Variants in RRP12 observed in about 807,000 individuals in gnomAD.
RRP12 encodes RRP12-like protein.
RRP12 carries 78 observed loss-of-function variants against 157.3 expected under a neutral mutation model. The ratio of observed to expected loss-of-function variants is 0.50; its 90% confidence interval spans 0.41 to 0.60. The LOEUF is 0.60. Ranked by LOEUF, RRP12 falls within the 20% of genes least tolerant of loss-of-function variation. The pLI, the probability that RRP12 is intolerant of heterozygous loss-of-function variation, is 0.00. For missense variants in RRP12, 1,521 were observed against 1,679.9 expected (o/e 0.91, Z 1.65); for synonymous variants, 726 against 670.9 (o/e 1.08, Z -1.27).
rs140714561 is a variant in RRP12, at chr10:97,370,226, G to A, written c.2738C>T (p.Ala913Val). 2.4e-5 allele frequency: 38 copies of A among 1,605,990 alleles called. No individual in the cohort carries two copies. Among genetic ancestry groups the A allele is most frequent in the African/African-American group, 2.1e-4 (16 of 74,830 alleles). Residue 913 changes from alanine (A) to valine (V), a missense_variant, in exon 24 of 34, where the codon GCG (alanine) becomes GTG (valine). Coordinates refer to ENST00000370992, the MANE Select transcript of RRP12 (RefSeq NM_015179.4). ...GATGCTGCAGCTGACCATGGTCACC[G>A]CGCCCACCAGGCCAGGGTAGATCAG... ...LVLIYPGLVG[A>V]VTMVSCSILA...
intron 31 of RRP12, 53 bp from the exon 32 acceptor site, chr10:97,359,063 C>G: frequency 6.8e-7 from 1 of 1,462,424 alleles, no homozygotes; most frequent in Non-Finnish European, 9.5e-7. Context: ...CAGCCCCCTC[C>G]AGAAAGGCAA....
At chr10:97,366,967 G>A (rs1844004404) in intron 26 of RRP12, 58 bp from the exon 27 acceptor site, 8 of 1,609,398 alleles carry the variant, frequency 5.0e-6, no homozygotes, top group Admixed American at 1.7e-5. Context: ...CGACCCAGAT[G>A]TAGTGTCCCT....
At chr10:97,393,038 A>C (rs887310116) in intron 4 of RRP12, among the ~76,000 whole-genome samples, 1 of 151,892 alleles carries the variant, frequency 6.6e-6, no homozygotes, top group Non-Finnish European at 1.5e-5. Context: ...TAGCCTACCC[A>C]GCTAATTTTT....
At chr10:97,383,736 C>T (rs528552572) in intron 10 of RRP12, among the ~76,000 whole-genome samples, 15 of 152,312 alleles carry the variant, frequency 9.8e-5, no homozygotes, top group Non-Finnish European at 1.6e-4. Flanking sequence ...ACCTGGAGAA[C>T]GGAGCCGCCA....
intron 29 of RRP12, among the ~76,000 whole-genome samples, chr10:97,364,768 C>T (rs1006787184): frequency 6.6e-6 from 1 of 152,080 alleles, no homozygotes; most frequent in Non-Finnish European, 1.5e-5. Flanking sequence ...CTGGGCTTGG[C>T]AGGAGTTCTG....
At chr10:97,395,207 T>TATACACATACACAC (rs112214269) in intron 3 of RRP12, among the ~76,000 whole-genome samples, 24 of 149,972 alleles carry the variant, frequency 1.6e-4, no homozygotes, top group South Asian at 1.0e-3. Context: ...TATACACATA[T>TATACACATACACAC]ACACACACAC....
chr10:97,363,700 A>ACCGCCTG (rs1564748312), intron 30 of RRP12, among the ~76,000 whole-genome samples, 154 bp downstream of exon 30: 14 of 151,926 alleles, frequency 9.2e-5, no homozygotes, highest in Admixed American at 4.6e-4. Context: ...GGCACCCACA[A>ACCGCCTG]CCTTCTGGAC....
At chr10:97,382,051 G>A (rs1844483306) in intron 10 of RRP12, among the ~76,000 whole-genome samples, 1 of 152,218 alleles carries the variant, frequency 6.6e-6, no homozygotes, top group Non-Finnish European at 1.5e-5. Flanking sequence ...GTAAAATGAA[G>A]GGCATGCCTT....
At chr10:97,380,368 A>G (rs1046064531) in intron 13 of RRP12, among the ~76,000 whole-genome samples, 19 of 152,242 alleles carry the variant, frequency 1.2e-4, no homozygotes, top group Admixed American at 9.8e-4. Flanking sequence ...CTCCTGGACT[A>G]CGGTCTGCTC....
chr10:97,388,087 G>T, intron 8 of RRP12, 165 bp downstream of exon 8: 1 of 802,574 alleles, frequency 1.2e-6, no homozygotes, highest in Non-Finnish European at 2.0e-6. Flanking sequence ...CTCTGATATG[G>T]CCTGGCCTAG....
At chr10:97,364,952 G>A (rs1271810452) in intron 29 of RRP12, among the ~76,000 whole-genome samples, 1 of 152,152 alleles carries the variant, frequency 6.6e-6, no homozygotes, top group African/African-American at 2.4e-5. Context: ...ATACAGGGGC[G>A]AGAGAGGAGC....
At chr10:97,384,756 CAGGA>C in intron 10 of RRP12, among the ~76,000 whole-genome samples, 1 of 151,682 alleles carries the variant, frequency 6.6e-6, no homozygotes, top group South Asian at 2.1e-4. Context: ...CCTCGGCAGC[CAGGA>C]TGGAGACCCT....
At chr10:97,385,116 C>T in intron 10 of RRP12, 50 bp downstream of exon 10, 2 of 1,140,906 alleles carry the variant, frequency 1.8e-6, no homozygotes, top group Non-Finnish European at 1.2e-6. Flanking sequence ...TGAGCACCCC[C>T]ACCTCAACAG....
chr10:97,389,314 C>G (rs370897895), intron 6 of RRP12, among the ~76,000 whole-genome samples: 280 of 152,206 alleles, frequency 1.8e-3, no homozygotes, highest in African/African-American at 6.6e-3. Flanking sequence ...AGGATGGTCT[C>G]GATCTCCTGA....
chr10:97,385,819 G>A (rs574995665), intron 9 of RRP12, 76 bp downstream of exon 9: 1 of 1,073,086 alleles, frequency 9.3e-7, no homozygotes, highest in Non-Finnish European at 1.4e-6. Flanking sequence ...CAAGGCGCAG[G>A]GCCAGTGCCC....
At chr10:97,389,523 G>A (rs944168562) in intron 6 of RRP12, among the ~76,000 whole-genome samples, 1 of 152,136 alleles carries the variant, frequency 6.6e-6, no homozygotes, top group Non-Finnish European at 1.5e-5. Context: ...CATCTGGGCT[G>A]ACGGTGCTTA....
At chr10:97,377,996 T>A (rs1844358388) in intron 15 of RRP12, among the ~76,000 whole-genome samples, 1 of 152,160 alleles carries the variant, frequency 6.6e-6, no homozygotes, top group Non-Finnish European at 1.5e-5. Flanking sequence ...CTGAGCAATG[T>A]AACCCCATGC....
intron 2 of RRP12, among the ~76,000 whole-genome samples, chr10:97,398,022 TGTATATATATATACG>T (rs1845025528): frequency 2.8e-5 from 2 of 70,338 alleles, no homozygotes; most frequent in African/African-American, 9.7e-5. Context: ...TATATATATA[TGTATATATATATACG>T]TATTTTTTTT....
intron 33 of RRP12, among the ~76,000 whole-genome samples, chr10:97,358,151 G>A (rs56748599): frequency 0.018 from 2,716 of 151,716 alleles, 54 homozygotes; most frequent in African/African-American, 0.048. Flanking sequence ...CAGCCAACGC[G>A]GTGAAACCCC....
Sources: gnomAD v4.1 joint callset for allele counts (sites outside exome capture counted in the v4.1 genomes callset) on GRCh38, gnomAD v4.1.1 for gene constraint, MANE v1.5 for transcripts, NCBI Gene and HGNC (gene_info 2026-07-23, HGNC 2026-07-21) for gene names.